The following POC5 variants were observed in gnomAD, a reference collection of about 807,000 sequenced individuals.
POC5 encodes the protein centrosomal protein POC5.
POC5 carries 48 observed loss-of-function variants against 62.9 expected under a neutral mutation model. The ratio of observed to expected loss-of-function variants is 0.76; its 90% CI spans 0.61 to 0.97. The LOEUF (loss-of-function observed/expected upper bound fraction) is 0.97, where lower values mean the gene tolerates loss of function less well. Among genes scored for constraint, POC5 ranks in the 50% least tolerant of loss-of-function variants. The probability of loss-of-function intolerance (pLI) is 0.00; values close to 1 mark genes in which losing one functional copy is unlikely to be tolerated. For missense variants in POC5, 696 were observed against 679.5 expected, an observed-to-expected ratio of 1.02 and a Z score of -0.27; for synonymous variants, 236 against 228.2, an observed-to-expected ratio of 1.03 and a Z score of -0.31.
chr5:75,691,424 CCA>C (rs1776330796), intron 7 of POC5, among the ~76,000 whole-genome samples: 1 of 152,098 alleles, frequency 6.6e-6, no homozygotes, highest in Non-Finnish European at 1.5e-5. Flanking sequence ...GTGAAAAATT[CCA>C]CACAGAAGTA....
Position 75,707,203 on chromosome 5 carries a change from A to T in POC5, c.223+534T>A, listed in dbSNP as rs1426394843. On this transcript the variant is annotated intron_variant, in intron 3 of 11. Coordinates refer to ENST00000428202, the MANE Select transcript of POC5 (RefSeq NM_001099271.2). ...CTTTATCCTCTTTTCTCCACTTTTC[A>T]CTCATCTATCAACACACATCCTGGT... 2.0e-5 allele frequency among the ~76,000 whole-genome samples: 3 copies of T among 152,150 alleles called. No homozygotes were observed. The East Asian group carries it at 5.8e-4, about 29-fold the overall frequency.
At chr5:75,710,780 T>G (rs1378695940) in intron 2 of POC5, among the ~76,000 whole-genome samples, 1 of 152,178 alleles carries the variant, frequency 6.6e-6, no homozygotes, top group African/African-American at 2.4e-5. Context: ...TTTTATAGTG[T>G]TCCTGCTGTG....
intron 1 of POC5, among the ~76,000 whole-genome samples, chr5:75,716,710 G>C (rs1742595566): frequency 6.6e-6 from 1 of 152,214 alleles, no homozygotes; most frequent in Admixed American, 6.5e-5. Context: ...CAAAACTTTT[G>C]TGTGCTTCTC....
At chr5:75,679,373 C>T (rs1775789886) in intron 10 of POC5, among the ~76,000 whole-genome samples, 1 of 152,248 alleles carries the variant, frequency 6.6e-6, no homozygotes, top group South Asian at 2.1e-4. Context: ...TCAATCTTTT[C>T]CCGATTATTA....
chr5:75,684,363 A>ATTTTTTTTTTTTTTTTTTTTTTTTT (rs749361349), intron 10 of POC5, among the ~76,000 whole-genome samples: 5 of 132,708 alleles, frequency 3.8e-5, no homozygotes, highest in Admixed American at 1.5e-4. Flanking sequence ...TTCCTACATA[A>ATTTTTTTTTTTTTTTTTTTTTTTTT]TTTTTTTTTT....
At chr5:75,676,838 T>C (rs990367878) in intron 11 of POC5, among the ~76,000 whole-genome samples, 8 of 138,722 alleles carry the variant, frequency 5.8e-5, no homozygotes, top group Non-Finnish European at 1.1e-4. Context: ...AAAAAAAAAA[T>C]AAATAAAAAA....
intron 10 of POC5, among the ~76,000 whole-genome samples, chr5:75,678,438 G>C (rs886131263): frequency 5.3e-5 from 8 of 151,884 alleles, no homozygotes; most frequent in Non-Finnish European, 1.0e-4. Flanking sequence ...GATCTCCCTC[G>C]TGCCACCCTT....
chr5:75,691,892 C>G (rs1379152219), intron 7 of POC5, among the ~76,000 whole-genome samples: 1 of 152,076 alleles, frequency 6.6e-6, no homozygotes, highest in African/African-American at 2.4e-5. Flanking sequence ...TGATATACTA[C>G]AAGCTAAGGA....
intron 9 of POC5, among the ~76,000 whole-genome samples, chr5:75,687,635 CACA>C (rs1195150956): frequency 6.6e-6 from 1 of 152,184 alleles, no homozygotes. Context: ...CTTTAGGAGA[CACA>C]GTTGCATTTC....
chr5:75,695,720 G>A (rs144414524), intron 5 of POC5, among the ~76,000 whole-genome samples: 5,045 of 152,190 alleles, frequency 0.033, 273 homozygotes, highest in African/African-American at 0.11. Context: ...CAAGATGGCC[G>A]AATAGGAACA....
chr5:75,691,806 G>T (rs767166874), intron 7 of POC5, among the ~76,000 whole-genome samples: 2 of 151,904 alleles, frequency 1.3e-5, no homozygotes, highest in Non-Finnish European at 2.9e-5. Context: ...CAACAATTTA[G>T]TATTCTCTTT....
chr5:75,692,451 T>G lies in POC5; in HGVS notation c.740A>C (p.Glu247Ala). 1.9e-6 allele frequency: 3 copies of G among 1,600,874 alleles called. No homozygotes were observed. Among genetic ancestry groups the G allele is most frequent in the Non-Finnish European group, 2.6e-6 (3 of 1,173,390 alleles). ...CCAGTGGAAGAATGTTCTCATCAAC[T>G]CTATCTTTTCCTTTTGCTTGCCTAT... ...HAIGKQKEKI[E>A]LMRTFFHWRI... Residue 247 changes from glutamate (E) to alanine (A), a missense_variant, in exon 7 of 12, where the codon GAG becomes GCG. Glu to Ala is a moderately radical substitution (Grantham distance 107). Transcript: ENST00000428202.
chr5:75,684,718 T>G (rs944358148), intron 10 of POC5, among the ~76,000 whole-genome samples: 1 of 152,162 alleles, frequency 6.6e-6, no homozygotes, highest in African/African-American at 2.4e-5. Context: ...ATCACTACTA[T>G]GACAGCACTT....
At chr5:75,684,620 C>G (rs1776020408) in intron 10 of POC5, among the ~76,000 whole-genome samples, 1 of 152,140 alleles carries the variant, frequency 6.6e-6, no homozygotes, top group African/African-American at 2.4e-5. Flanking sequence ...ACCTCGGCCT[C>G]CCAGAGTGCT....
intron 1 of POC5, 134 bp from the exon 2 acceptor site, chr5:75,713,085 T>C: frequency 3.1e-6 from 2 of 652,580 alleles, no homozygotes; most frequent in South Asian, 4.8e-5. Context: ...ATTCAACATA[T>C]TGAGTACCTA....
At chr5:75,689,541 T>A (rs769694388) in intron 8 of POC5, 1 of 983,092 alleles carries the variant, frequency 1.0e-6, no homozygotes, top group South Asian at 4.7e-5. Context: ...TAAAATAAAC[T>A]ACATGCCTGC....
Position 75,714,658 on chromosome 5 carries a change from G to C in POC5, c.-14-1707C>G, listed in dbSNP as rs545834015. Among the ~76,000 whole-genome samples the C allele has an allele frequency of 2.0e-5, 3 of 152,288 alleles. No individual in the cohort carries two copies. The East Asian group carries it at 5.8e-4, about 29-fold the overall frequency. Reference sequence around the variant, plus strand: ...GCCACTCACCAAGGCAAGGAAGGTAGGAAGATGAGCAGGTTGGGAGGAAGG... The same window carrying C: ...GCCACTCACCAAGGCAAGGAAGGTACGAAGATGAGCAGGTTGGGAGGAAGG... On this transcript the variant is annotated intron_variant, in intron 1 of 11. Coordinates refer to ENST00000428202, the MANE Select transcript of POC5 (RefSeq NM_001099271.2).
intron 7 of POC5, among the ~76,000 whole-genome samples, chr5:75,690,925 G>C (rs1776306487): frequency 6.6e-6 from 1 of 152,206 alleles, no homozygotes; most frequent in Non-Finnish European, 1.5e-5. Flanking sequence ...GAGAATAACA[G>C]AGTGGCTAGA....
At chr5:75,683,178 TAA>T (rs1042408367) in intron 10 of POC5, among the ~76,000 whole-genome samples, 20 of 151,736 alleles carry the variant, frequency 1.3e-4, no homozygotes, top group African/African-American at 4.8e-4. Flanking sequence ...AGGAGCTTTA[TAA>T]AACTATACAT....
Sources: gnomAD v4.1 joint callset for allele counts (sites outside exome capture counted in the v4.1 genomes callset) on GRCh38, gnomAD v4.1.1 for gene constraint, MANE v1.5 for transcripts, NCBI Gene and HGNC (gene_info 2026-07-23, HGNC 2026-07-21) for gene names.